Variants in TP63 observed in about 807,000 individuals in gnomAD.
TP63 encodes tumor protein 63.
In TP63, 17 loss-of-function variants were observed where a neutral mutation model predicts 82.8. That is an observed-to-expected ratio of 0.21 (90% CI 0.14 to 0.31). TP63 has a LOEUF of 0.31. Ranked by LOEUF, TP63 falls within the 10% of genes least tolerant of loss-of-function variation. TP63 has a pLI of 1.00. For missense variants in TP63, 648 were observed against 895.3 expected (o/e 0.72, Z 3.52); for synonymous variants, 330 against 321.7 (o/e 1.03, Z -0.28).
At position 189,838,389 on chromosome 3, in the gene TP63, G is replaced by C. The variant is rs550773132; in HGVS notation, c.580-25843G>C. Among the ~76,000 whole-genome samples, 4 of 152,262 alleles carry C rather than the reference G, an allele frequency of 2.6e-5. No homozygotes were observed. In the South Asian group the frequency reaches 8.3e-4, roughly 32 times the overall value. The stretch of plus-strand genomic sequence containing the variant: ...ACTCTATGGCACAACTAAGACAGTT[G>C]TGTTACATTCTTTTCCGTGTTGGGG... On this transcript the variant is annotated intron_variant, in intron 4 of 13. Transcript: ENST00000264731.
chr3:189,839,040 TAA>T (rs5855274), intron 4 of TP63, among the ~76,000 whole-genome samples: 3,683 of 88,484 alleles, frequency 0.042, 59 homozygotes, highest in Non-Finnish European at 0.058. Context: ...TATCCTAAGC[TAA>T]AAAAAAAAAA....
chr3:189,599,031 TA>T, the TP63 span, among the ~76,000 whole-genome samples: 1 of 152,224 alleles, frequency 6.6e-6, no homozygotes, highest in African/African-American at 2.4e-5. Flanking sequence ...CAGGTTTGGA[TA>T]ATGTCCAAGC....
intron 1 of TP63, among the ~76,000 whole-genome samples, chr3:189,705,763 T>C (rs1718151108): frequency 6.6e-6 from 1 of 152,172 alleles, no homozygotes; most frequent in Non-Finnish European, 1.5e-5. Flanking sequence ...TCTCCAGGTG[T>C]GTTTAAGATT....
intron 4 of TP63, among the ~76,000 whole-genome samples, chr3:189,815,070 G>T (rs959428823): frequency 1.3e-5 from 2 of 150,928 alleles, no homozygotes; most frequent in African/African-American, 2.4e-5. Context: ...TCCTCTTCCC[G>T]CATTTCTTCT....
At chr3:189,825,807 T>C (rs1729289121) in intron 4 of TP63, among the ~76,000 whole-genome samples, 1 of 152,204 alleles carries the variant, frequency 6.6e-6, no homozygotes, top group African/African-American at 2.4e-5. Context: ...AAAAATAATA[T>C]TTTATGGTAG....
chr3:189,735,634 C>A (rs1195981580), intron 1 of TP63, among the ~76,000 whole-genome samples: 1 of 152,094 alleles, frequency 6.6e-6, no homozygotes, highest in Non-Finnish European at 1.5e-5. Flanking sequence ...ATTGATTTTG[C>A]CCTTTTGTTG....
chr3:189,869,179 T>C, intron 8 of TP63, 145 bp from the exon 9 acceptor site: 2 of 695,716 alleles, frequency 2.9e-6, no homozygotes, highest in Non-Finnish European at 4.9e-6. Context: ...GAGCCTCTAA[T>C]CTTACATGTG....
the TP63 span, among the ~76,000 whole-genome samples, chr3:189,609,388 CT>C: frequency 2.0e-5 from 3 of 151,758 alleles, no homozygotes; most frequent in Non-Finnish European, 4.4e-5. Context: ...CACCCATTGA[CT>C]TTTTTTTAAC....
chr3:189,673,395 C>T (rs1439165572), intron 1 of TP63, among the ~76,000 whole-genome samples: 1 of 151,696 alleles, frequency 6.6e-6, no homozygotes, highest in Non-Finnish European at 1.5e-5. Context: ...CCAGTTAGGA[C>T]AATAAACCTA....
chr3:189,621,217 A>G, the TP63 span, among the ~76,000 whole-genome samples: 1 of 152,222 alleles, frequency 6.6e-6, no homozygotes, highest in Non-Finnish European at 1.5e-5. Flanking sequence ...AATTACAATT[A>G]GGAGCTTATG....
At chr3:189,613,502 C>A in the TP63 span, among the ~76,000 whole-genome samples, 2 of 152,202 alleles carry the variant, frequency 1.3e-5, no homozygotes, top group Non-Finnish European at 1.5e-5. Context: ...TCATGGAGAA[C>A]CTCGGCTTGG....
chr3:189,797,981 T>G (rs976267041), intron 3 of TP63, among the ~76,000 whole-genome samples: 1 of 152,042 alleles, frequency 6.6e-6, no homozygotes. Context: ...TCTTTTACTC[T>G]GTTTCTTCCT....
chr3:189,682,551 AAAATATAT>A (rs1225018060), intron 1 of TP63, among the ~76,000 whole-genome samples: 8 of 30,832 alleles, frequency 2.6e-4, no homozygotes, highest in African/African-American at 1.6e-3. Flanking sequence ...AAAAAAAAAA[AAAATATAT>A]ATATATATAT....
intron 3 of TP63, among the ~76,000 whole-genome samples, chr3:189,804,570 T>G: frequency 6.6e-6 from 1 of 152,236 alleles, no homozygotes; most frequent in African/African-American, 2.4e-5. Flanking sequence ...GGCTTCCAAT[T>G]GTACCCTGTT....
At chr3:189,771,712 C>T (rs1466645419) in intron 3 of TP63, among the ~76,000 whole-genome samples, 4 of 151,788 alleles carry the variant, frequency 2.6e-5, no homozygotes, top group African/African-American at 7.3e-5. Context: ...TGGTTGATTG[C>T]TCAGTTATCT....
intron 3 of TP63, among the ~76,000 whole-genome samples, chr3:189,800,475 T>TAAAAAAAAAAAA (rs72295286): frequency 7.4e-6 from 1 of 134,890 alleles, no homozygotes; most frequent in Non-Finnish European, 1.6e-5. Context: ...CTTTAATGAG[T>TAAAAAAAAAAAA]AAAAAAAAAA....
At chr3:189,623,710 T>C in the TP63 span, among the ~76,000 whole-genome samples, 2 of 152,200 alleles carry the variant, frequency 1.3e-5, no homozygotes, top group African/African-American at 4.8e-5. Context: ...TGTGAGAGAA[T>C]CACACTGAAA....
chr3:189,661,730 T>C (rs1365321289), intron 1 of TP63, among the ~76,000 whole-genome samples: 3 of 152,080 alleles, frequency 2.0e-5, no homozygotes, highest in Non-Finnish European at 4.4e-5. Flanking sequence ...GAATTTTTAA[T>C]GCCAATTCCA....
chr3:189,779,652 G>A (rs936613378), intron 3 of TP63, among the ~76,000 whole-genome samples: 2 of 152,226 alleles, frequency 1.3e-5, no homozygotes, highest in African/African-American at 4.8e-5. Flanking sequence ...GTGTAGCACA[G>A]GGGAGCATGA....
Sources: gnomAD v4.1 joint callset for allele counts (sites outside exome capture counted in the v4.1 genomes callset) on GRCh38, gnomAD v4.1.1 for gene constraint, MANE v1.5 for transcripts, NCBI Gene and HGNC (gene_info 2026-07-23, HGNC 2026-07-21) for gene names.